PRKCE: variants seen among roughly 807,000 people sequenced by gnomAD.
PRKCE encodes the protein protein kinase C epsilon type.
PRKCE carries 16 observed loss-of-function variants against 85.4 expected under a neutral mutation model. The observed-to-expected ratio is 0.19, with a 90% CI of 0.13 to 0.28. PRKCE has a LOEUF of 0.28. Ranked by LOEUF, PRKCE falls within the 10% of genes least tolerant of loss-of-function variation. The pLI is 1.00. For synonymous variants in PRKCE, 388 were observed against 371.5 expected (o/e 1.04, Z -0.51); for missense variants, 573 against 975.2 (o/e 0.59, Z 5.49).
At chr2:46,118,794 G>C (rs1673019069) in intron 11 of PRKCE, among the ~76,000 whole-genome samples, 1 of 152,160 alleles carries the variant, frequency 6.6e-6, no homozygotes, top group Non-Finnish European at 1.5e-5. Context: ...TGTGGAATCT[G>C]GCAGTTTGGG....
intron 2 of PRKCE, among the ~76,000 whole-genome samples, chr2:45,928,797 T>C (rs1413160174): frequency 6.6e-6 from 1 of 151,966 alleles, no homozygotes; most frequent in Non-Finnish European, 1.5e-5. Context: ...CCTAGAAAGG[T>C]CCGCAGCTCA....
In PRKCE at chr2:45,697,188, G is replaced by A. The variant is rs189650398; in HGVS notation, c.348+44740G>A. Among the ~76,000 whole-genome samples the A allele has an allele frequency of 3.2e-3, 482 of 152,244 alleles. 5 individuals carry two copies. Among genetic ancestry groups the A allele is most frequent in the Non-Finnish European group, 2.8e-3 (193 of 68,012 alleles). ...TAGTGTAGCTGACAGTGACTGCATC[G>A]TCCTTTCAAAGAGTCCATGCTCTAC... On this transcript the variant is annotated intron_variant, in intron 1 of 14. Transcript: ENST00000306156. The surrounding 1 kb of genome is among the most constrained non-coding windows in gnomAD (Gnocchi z 4.2).
Position 46,013,782 on chromosome 2 carries a change from G to A in PRKCE, c.1437+3265G>A, listed in dbSNP as rs552763124. On this transcript the variant is annotated intron_variant, in intron 10 of 14. Coordinates refer to ENST00000306156, the MANE Select transcript of PRKCE (RefSeq NM_005400.3). ...GTGAGCCTTTATTTTTCAATATATCGGAAAAAAATGGTCCTTTTGGAAACA... is the reference window on the plus strand; with the variant it reads ...GTGAGCCTTTATTTTTCAATATATCAGAAAAAAATGGTCCTTTTGGAAACA... 6.6e-5 allele frequency among the ~76,000 whole-genome samples: 10 copies of A among 152,028 alleles called. No individual in the cohort carries two copies. In the East Asian group the frequency reaches 9.6e-4, roughly 15 times the overall value.
chr2:46,134,978 A>T (rs1285096117), intron 11 of PRKCE, among the ~76,000 whole-genome samples: 1 of 152,254 alleles, frequency 6.6e-6, no homozygotes, highest in Non-Finnish European at 1.5e-5. Context: ...TCATGCAATC[A>T]GATAAGCAAT....
At chr2:46,078,173 C>T (rs926255881) in intron 10 of PRKCE, 3 of 152,076 alleles carry the variant, frequency 2.0e-5, no homozygotes, top group African/African-American at 4.8e-5. Flanking sequence ...TCCAATCCAC[C>T]TTGAACTCTG....
At chr2:46,014,093 G>A (rs527695222) in intron 10 of PRKCE, among the ~76,000 whole-genome samples, 112 of 152,272 alleles carry the variant, frequency 7.4e-4, no homozygotes, top group Non-Finnish European at 1.2e-3. Context: ...TCCGCTCCAT[G>A]GGATCTAGAA....
chr2:46,049,953 C>G (rs1708752437), intron 10 of PRKCE, among the ~76,000 whole-genome samples: 1 of 152,238 alleles, frequency 6.6e-6, no homozygotes, highest in Non-Finnish European at 1.5e-5. Context: ...GAGGTACCCC[C>G]AGCATGGTCA....
intron 10 of PRKCE, among the ~76,000 whole-genome samples, chr2:46,016,464 G>GGA: frequency 6.6e-6 from 1 of 152,176 alleles, no homozygotes; most frequent in Non-Finnish European, 1.5e-5. Flanking sequence ...TTCATTCTGT[G>GGA]TGATAAAGGA....
chr2:45,715,521 C>T (rs181427021), intron 1 of PRKCE, among the ~76,000 whole-genome samples: 5 of 152,266 alleles, frequency 3.3e-5, no homozygotes, highest in Admixed American at 3.3e-4. Flanking sequence ...ATCCAGTGTC[C>T]TTCATTGTCA....
At chr2:45,961,759 G>C (rs1701395806) in intron 2 of PRKCE, among the ~76,000 whole-genome samples, 1 of 151,974 alleles carries the variant, frequency 6.6e-6, no homozygotes, top group Non-Finnish European at 1.5e-5. Flanking sequence ...GCAATGGTGT[G>C]ATCTTGGCTC....
intron 2 of PRKCE, among the ~76,000 whole-genome samples, chr2:45,936,538 C>T (rs6741319): frequency 0.095 from 14,468 of 152,090 alleles, 729 homozygotes; most frequent in Middle Eastern, 0.12. Context: ...GCGGGAGGCC[C>T]GACATCCAAA....
intron 11 of PRKCE, among the ~76,000 whole-genome samples, chr2:46,115,814 C>T (rs981473927): frequency 6.6e-6 from 1 of 152,192 alleles, no homozygotes; most frequent in Non-Finnish European, 1.5e-5. Flanking sequence ...ACCAGGTACC[C>T]CGGGGAACTC....
intron 2 of PRKCE, among the ~76,000 whole-genome samples, chr2:45,927,283 T>C (rs1698706909): frequency 1.3e-5 from 2 of 152,226 alleles, no homozygotes; most frequent in Admixed American, 6.5e-5. Context: ...AGTTGGATTT[T>C]TGTGGTATTG....
At chr2:45,757,871 G>A (rs141843363) in intron 1 of PRKCE, among the ~76,000 whole-genome samples, 114 of 152,250 alleles carry the variant, frequency 7.5e-4, no homozygotes, top group African/African-American at 2.5e-3. Context: ...TGTACATAAG[G>A]CAGGTCTTGA....
intron 2 of PRKCE, among the ~76,000 whole-genome samples, chr2:45,876,041 A>G (rs550932012): frequency 1.5e-3 from 227 of 152,340 alleles, no homozygotes; most frequent in South Asian, 2.3e-3. Flanking sequence ...TCAGCTTCCC[A>G]GATTTTGGTC....
rs1675992210 is a variant in PRKCE, at chr2:46,145,615, C to T, written c.1731+384C>T. Among the ~76,000 whole-genome samples, 1 of 152,158 alleles carries T rather than the reference C, an allele frequency of 6.6e-6. No individual in the cohort carries two copies. On this transcript the variant is annotated intron_variant, in intron 12 of 14. Transcript: ENST00000306156. The surrounding 1 kb of genome is among the most constrained non-coding windows in gnomAD (Gnocchi z 4.6). ...GGGCACAGTGACTCACATCTGTAAT[C>T]CCAGCACTTTGGGAGGCCAAGGCAG...
At position 46,145,893 on chromosome 2, in the gene PRKCE, A is replaced by G. The variant is rs1313757618; in HGVS notation, c.1731+662A>G. ...AATAAAAAAAAAAGTAAAAAATAAA[A>G]TCAGAATAAAGGAGCATCATTGATC... is the stretch of plus-strand genomic sequence containing the variant. On this transcript the variant is annotated intron_variant, in intron 12 of 14. Transcript: ENST00000306156. This position sits in a 1 kb window ranked among gnomAD's most constrained non-coding sequence, Gnocchi z 4.6. 6.6e-6 allele frequency among the ~76,000 whole-genome samples: 1 copy of G among 152,164 alleles called. No individual in the cohort carries two copies. The highest frequency in any genetic ancestry group is 1.9e-4 in the East Asian group (1 of 5,198).
chr2:45,951,039 A>G (rs543753456), intron 2 of PRKCE, among the ~76,000 whole-genome samples: 26 of 152,304 alleles, frequency 1.7e-4, no homozygotes, highest in African/African-American at 5.5e-4. Flanking sequence ...GAATTGCACT[A>G]CAATCCTGCC....
At chr2:46,098,328 C>G (rs532194628) in intron 11 of PRKCE, among the ~76,000 whole-genome samples, 10,055 of 152,118 alleles carry the variant, frequency 0.066, 1,081 homozygotes, top group African/African-American at 0.23. Flanking sequence ...ACTCCCCCCC[C>G]AACCCACACA....
Sources: gnomAD v4.1 joint callset for allele counts (sites outside exome capture counted in the v4.1 genomes callset) on GRCh38, gnomAD v4.1.1 for gene constraint, Gnocchi (gnomAD v3.1) non-coding constraint, MANE v1.5 for transcripts, NCBI Gene and HGNC (gene_info 2026-07-23, HGNC 2026-07-21) for gene names.